ARHGEF10: variants seen among roughly 807,000 people sequenced by gnomAD.
The protein encoded by ARHGEF10 is Rho guanine nucleotide exchange factor (GEF) 10.
In ARHGEF10, 140 loss-of-function variants were observed where a neutral mutation model predicts 147.4. The ratio of observed to expected loss-of-function variants is 0.95; its 90% confidence interval spans 0.83 to 1.09. The LOEUF (loss-of-function observed/expected upper bound fraction) is 1.09, where lower values mean the gene tolerates loss of function less well. ARHGEF10 is among the 50% of genes least tolerant of loss of function. The pLI is 0.00. For synonymous variants in ARHGEF10, 902 were observed against 695.8 expected, an observed-to-expected ratio of 1.30 and a Z score of -4.67; for missense variants, 2,222 against 1,752.7, an observed-to-expected ratio of 1.27 and a Z score of -4.78.
rs1331991926 is a variant in ARHGEF10 at position 1,898,505 on chromosome 8, C to G, written c.1630C>G (p.Gln544Glu). The G allele has an allele frequency of 6.2e-7, 1 of 1,614,056 alleles. No individual in the cohort carries two copies. Among genetic ancestry groups the G allele is most frequent in the African/African-American group, 1.3e-5 (1 of 74,930 alleles). ...LMMKPIQRFPQFILLLQDMLK... is the reference protein window; with the variant it reads ...LMMKPIQRFPEFILLLQDMLK... Reference sequence around the variant, plus strand: ...GATGAAGCCCATCCAGAGGTTCCCACAGTTCATCCTCCTGCTCCAGGTAAG... The same window carrying G: ...GATGAAGCCCATCCAGAGGTTCCCAGAGTTCATCCTCCTGCTCCAGGTAAG... The change falls in exon 15 of 29, where the codon CAG becomes GAG. Residue 544 changes from glutamine to glutamate, a missense_variant. Gln to Glu is a conservative substitution (Grantham distance 29). Coordinates refer to ENST00000349830, the MANE Select transcript of ARHGEF10 (RefSeq NM_014629.4).
chr8:1,891,074 C>T (rs979272766), intron 11 of ARHGEF10, among the ~76,000 whole-genome samples: 1 of 152,114 alleles, frequency 6.6e-6, no homozygotes, highest in African/African-American at 2.4e-5. Flanking sequence ...GCTTATCCCA[C>T]CGTAATGGTT....
At chr8:1,944,303 C>T (rs1199850780) in intron 26 of ARHGEF10, among the ~76,000 whole-genome samples, 1 of 151,592 alleles carries the variant, frequency 6.6e-6, no homozygotes, top group Non-Finnish European at 1.5e-5. Context: ...AGGACACAGT[C>T]CTCTCCTCAG....
chr8:1,888,193 C>CGAGGAGACAGTGAGTGGGGTGAGGGTTGT (rs1808916951), intron 11 of ARHGEF10, among the ~76,000 whole-genome samples: 1 of 28,882 alleles, frequency 3.5e-5, no homozygotes, highest in African/African-American at 2.6e-4. Context: ...TGAGGGTTTG[C>CGAGGAGACAGTGAGTGGGGTGAGGGTTGT]GAGGAGACAC....
chr8:1,828,437 T>G (rs1443131833), intron 1 of ARHGEF10, among the ~76,000 whole-genome samples: 1 of 151,024 alleles, frequency 6.6e-6, no homozygotes, highest in Non-Finnish European at 1.5e-5. Context: ...TGATAAACCG[T>G]GGCATGCACA....
chr8:1,898,708 C>T (rs569067409), intron 15 of ARHGEF10, among the ~76,000 whole-genome samples, 183 bp downstream of exon 15: 11 of 152,202 alleles, frequency 7.2e-5, no homozygotes, highest in African/African-American at 9.6e-5. Flanking sequence ...CACCCTACGC[C>T]GGGGGCAGCT....
intron 23 of ARHGEF10, 118 bp downstream of exon 23, chr8:1,926,581 G>C (rs1439125910): frequency 2.2e-6 from 2 of 910,616 alleles, no homozygotes; most frequent in Non-Finnish European, 3.6e-6. Context: ...GCGTATCCCA[G>C]AGTGTACTTA....
At chr8:1,946,472 C>T (rs1362385711) in intron 27 of ARHGEF10, among the ~76,000 whole-genome samples, 1 of 152,190 alleles carries the variant, frequency 6.6e-6, no homozygotes. Context: ...GGAGGATCTG[C>T]TTCCTGCTTT....
intron 4 of ARHGEF10, among the ~76,000 whole-genome samples, chr8:1,863,368 G>C (rs538067297): frequency 6.6e-6 from 1 of 152,360 alleles, no homozygotes; most frequent in East Asian, 1.9e-4. Context: ...AGACCTCCAA[G>C]CAGGTTACAT....
intron 16 of ARHGEF10, 198 bp downstream of exon 16, chr8:1,903,649 C>G: frequency 1.5e-6 from 1 of 651,882 alleles, no homozygotes; most frequent in South Asian, 1.9e-5. Flanking sequence ...AACAGCCTGT[C>G]TTAACAGCAT....
chr8:1,829,151 C>G (rs963146330), intron 1 of ARHGEF10, among the ~76,000 whole-genome samples: 1 of 152,258 alleles, frequency 6.6e-6, no homozygotes, highest in Non-Finnish European at 1.5e-5. Flanking sequence ...TCATGTCGGG[C>G]CTGAGCTGAG....
intron 7 of ARHGEF10, among the ~76,000 whole-genome samples, chr8:1,872,574 G>A (rs533611212): frequency 6.6e-6 from 1 of 152,298 alleles, no homozygotes; most frequent in South Asian, 2.1e-4. Flanking sequence ...GATCCTTTGA[G>A]AAGCTCTTGT....
rs1463090717 is a variant in ARHGEF10, at chr8:1,890,804, C to T, written c.1183-2765C>T. On this transcript the variant is annotated intron_variant, in intron 11 of 28. Transcript: ENST00000349830. ...CACATATCAGAGGAAAGAGGTTTGA[C>T]CTTTTTGTTGTATGGCACTTTTCCA... Among the ~76,000 whole-genome samples, 3 of 151,922 alleles carry T rather than the reference C, an allele frequency of 2.0e-5. No homozygotes were observed. The East Asian group carries it at 5.8e-4, about 29-fold the overall frequency.
intron 1 of ARHGEF10, among the ~76,000 whole-genome samples, chr8:1,830,736 G>A (rs1221508874): frequency 1.3e-5 from 2 of 152,218 alleles, no homozygotes; most frequent in Non-Finnish European, 2.9e-5. Context: ...ATGAAAAGCT[G>A]CGGAAAGAGA....
chr8:1,825,639 G>C (rs1332659979), intron 1 of ARHGEF10, among the ~76,000 whole-genome samples: 6 of 151,904 alleles, frequency 3.9e-5, no homozygotes, highest in Non-Finnish European at 7.4e-5. Flanking sequence ...TGGGCCCCTG[G>C]GCACTGAAGG....
chr8:1,885,678 C>G lies in ARHGEF10; in HGVS notation c.1153C>G (p.Pro385Ala), dbSNP rs772607145. Residue 385 changes from proline (P) to alanine (A), a missense_variant, in exon 11 of 29, where the codon CCG becomes GCG. Pro to Ala is a conservative substitution (Grantham distance 27). Transcript: ENST00000349830. ...DCKHPEAILT[P>A]MPEGLSQQQV... is the part of the protein sequence containing the mutation. The stretch of plus-strand genomic sequence containing the variant: ...CAAGCACCCGGAAGCCATCTTGACC[C>G]CGATGCCCGAGGGTTTATCTCAGCA... 5.0e-6 allele frequency: 8 copies of G among 1,613,794 alleles called. 1 individual carries two copies. In the Admixed American group the frequency reaches 1.0e-4, roughly 20 times the overall value.
At chr8:1,900,715 C>A (rs1029582271) in intron 15 of ARHGEF10, among the ~76,000 whole-genome samples, 26 of 152,188 alleles carry the variant, frequency 1.7e-4, no homozygotes, top group Non-Finnish European at 3.5e-4. Context: ...ACTCAGAATT[C>A]CAGTTATGTA....
At chr8:1,828,080 A>G (rs1365930348) in intron 1 of ARHGEF10, among the ~76,000 whole-genome samples, 1 of 152,204 alleles carries the variant, frequency 6.6e-6, no homozygotes, top group East Asian at 1.9e-4. Flanking sequence ...AACAGAAGGA[A>G]TGGTTGTGGT....
intron 10 of ARHGEF10, among the ~76,000 whole-genome samples, chr8:1,883,511 C>T (rs1019154369): frequency 8.5e-5 from 13 of 152,130 alleles, no homozygotes; most frequent in African/African-American, 3.1e-4. Context: ...TTTGCAGTCA[C>T]GTTGTCCCTC....
intron 1 of ARHGEF10, chr8:1,826,184 A>G (rs1243654922): frequency 6.6e-7 from 1 of 1,521,842 alleles, no homozygotes; most frequent in East Asian, 2.3e-5. Flanking sequence ...CATTAGTTGT[A>G]GACAGTTGGG....
Sources: allele counts gnomAD v4.1 joint callset (sites outside exome capture counted in the v4.1 genomes callset), GRCh38; gene constraint gnomAD v4.1.1; transcripts MANE v1.5; gene names NCBI Gene and HGNC (gene_info 2026-07-23, HGNC 2026-07-21).